GPR158: variants seen among roughly 807,000 people sequenced by gnomAD.
GPR158 encodes the protein G protein-coupled receptor 158.
In GPR158, 30 loss-of-function variants were observed where a neutral mutation model predicts 78.2. The ratio of observed to expected loss-of-function variants is 0.38; its 90% CI spans 0.29 to 0.52. The LOEUF is 0.52. GPR158 is among the 20% of genes least tolerant of loss of function. The pLI is 0.83. For missense variants in GPR158, 1,463 were observed against 1,523.5 expected (o/e 0.96, Z 0.66); for synonymous variants, 581 against 591.1 (o/e 0.98, Z 0.25).
intron 5 of GPR158, among the ~76,000 whole-genome samples, chr10:25,469,838 C>A (rs375486876): frequency 1.3e-5 from 2 of 151,334 alleles, no homozygotes; most frequent in African/African-American, 2.4e-5. Flanking sequence ...TGAGCCCCCC[C>A]CAACATTCAC....
At chr10:25,408,079 T>A (rs1333566718) in intron 3 of GPR158, among the ~76,000 whole-genome samples, 1 of 152,180 alleles carries the variant, frequency 6.6e-6, no homozygotes, top group Admixed American at 6.5e-5. Context: ...AAGTTTCAAG[T>A]TTCATTTGTA....
chr10:25,460,567 T>C (rs1056091301), intron 4 of GPR158, among the ~76,000 whole-genome samples: 3 of 152,204 alleles, frequency 2.0e-5, no homozygotes, highest in African/African-American at 7.2e-5. Context: ...GTATATTACA[T>C]AGTAATAAAT....
rs182925758 is a variant in GPR158 at position 25,560,956 on chromosome 10, G to A, written c.1514+9871G>A. Among the ~76,000 whole-genome samples the A allele has an allele frequency of 3.9e-3, 591 of 152,144 alleles. 3 individuals carry two copies. The highest frequency in any genetic ancestry group is 0.013 in the African/African-American group (535 of 41,510). On this transcript the variant is annotated intron_variant, in intron 6 of 10. Transcript: ENST00000376351. ...GATATCTCTAGGAAATACTTAATGTGTGTTTTTTTTTAAGAGAAAAGGCTT... is the reference window on the plus strand; with the variant it reads ...GATATCTCTAGGAAATACTTAATGTATGTTTTTTTTTAAGAGAAAAGGCTT...
intron 5 of GPR158, among the ~76,000 whole-genome samples, chr10:25,515,284 G>A (rs565727871): frequency 6.6e-6 from 1 of 151,830 alleles, no homozygotes; most frequent in East Asian, 1.9e-4. Flanking sequence ...TGATTCTATA[G>A]CTGAGACTTT....
intron 2 of GPR158, among the ~76,000 whole-genome samples, chr10:25,295,890 C>CA (rs745670565): frequency 1.3e-5 from 2 of 152,180 alleles, no homozygotes; most frequent in African/African-American, 2.4e-5. Flanking sequence ...TGTCAAATAT[C>CA]AATTCTTCAA....
At position 25,245,316 on chromosome 10, in the gene GPR158, T is replaced by C. The variant is rs75344406; in HGVS notation, c.1008+24159T>C. Among the ~76,000 whole-genome samples the C allele has an allele frequency of 6.9e-3, 1,055 of 152,352 alleles. 9 individuals carry two copies. Among genetic ancestry groups the C allele is most frequent in the African/African-American group, 0.024 (1,010 of 41,592 alleles). ...AAGGGTGAGCCTGGCCCAGGCCATG[T>C]CTTCTGTCAGTAAATCCTATGGTGA... On this transcript the variant is annotated intron_variant, in intron 2 of 10. Transcript: ENST00000376351.
At chr10:25,533,134 T>C (rs1836448286) in intron 5 of GPR158, among the ~76,000 whole-genome samples, 1 of 152,222 alleles carries the variant, frequency 6.6e-6, no homozygotes, top group Admixed American at 6.5e-5. Context: ...CTATTTCTTA[T>C]GGATGTTTAT....
chr10:25,175,331 G>C lies in GPR158; in HGVS notation c.-90G>C. ...ATCTGGAGAAGGGGGAAGACTCCTC[G>C]AAAAAGTCTGACTGTTGAGAAACTG... On this transcript the variant is annotated 5_prime_UTR_variant, in exon 1 of 11. Coordinates refer to ENST00000376351, the MANE Select transcript of GPR158 (RefSeq NM_020752.3). The surrounding 1 kb of genome is among the most constrained non-coding windows in gnomAD (Gnocchi z 6.4). 1.3e-6 allele frequency: 1 copy of C among 784,798 alleles called. No homozygotes were observed. Among genetic ancestry groups the C allele is most frequent in the South Asian group, 1.8e-5 (1 of 55,994 alleles). The allele number at this position is 784,798 out of a possible 1,614,324, so 48.6% of individuals were successfully genotyped here. A position where few individuals can be genotyped will look rare whatever the true frequency, so the allele number is the denominator to read the frequency against.
At chr10:25,208,509 T>C (rs933916687) in intron 1 of GPR158, among the ~76,000 whole-genome samples, 2 of 151,856 alleles carry the variant, frequency 1.3e-5, no homozygotes, top group Non-Finnish European at 2.9e-5. Context: ...AACCATCTCA[T>C]CACCAGAACC....
chr10:25,434,095 G>A (rs996133223), intron 4 of GPR158, among the ~76,000 whole-genome samples: 4 of 152,082 alleles, frequency 2.6e-5, no homozygotes, highest in African/African-American at 9.7e-5. Flanking sequence ...CCTGGAGGTG[G>A]AGCTTGCAGT....
intron 2 of GPR158, among the ~76,000 whole-genome samples, chr10:25,251,919 G>T (rs985272010): frequency 6.6e-6 from 1 of 152,020 alleles, no homozygotes; most frequent in African/African-American, 2.4e-5. Flanking sequence ...TTTCCAACTT[G>T]GTTCCATTCT....
At chr10:25,388,160 A>C (rs533284915) in intron 2 of GPR158, among the ~76,000 whole-genome samples, 12 of 152,190 alleles carry the variant, frequency 7.9e-5, no homozygotes, top group South Asian at 4.1e-4. Context: ...AAGGTTCATC[A>C]AAGTAGGCTT....
At chr10:25,308,242 C>T (rs1279918365) in intron 2 of GPR158, among the ~76,000 whole-genome samples, 1 of 151,992 alleles carries the variant, frequency 6.6e-6, no homozygotes, top group Non-Finnish European at 1.5e-5. Context: ...ACCTATCAAC[C>T]CATCACCTAT....
At chr10:25,450,357 T>A (rs1211190523) in intron 4 of GPR158, among the ~76,000 whole-genome samples, 12 of 143,514 alleles carry the variant, frequency 8.4e-5, no homozygotes, top group African/African-American at 3.1e-4. Context: ...CAGGGATTCA[T>A]GCCTTCTTTT....
intron 2 of GPR158, among the ~76,000 whole-genome samples, chr10:25,299,222 T>C (rs1854557345): frequency 6.6e-6 from 1 of 152,018 alleles, no homozygotes; most frequent in South Asian, 2.1e-4. Context: ...CATCTCACAC[T>C]TAAGTGGGTG....
At chr10:25,479,171 C>T (rs190156533) in intron 5 of GPR158, among the ~76,000 whole-genome samples, 18 of 151,880 alleles carry the variant, frequency 1.2e-4, no homozygotes, top group Admixed American at 3.3e-4. Flanking sequence ...ATGTATTTTA[C>T]GATAAGCATT....
At chr10:25,306,876 CAGTT>C (rs1239195350) in intron 2 of GPR158, among the ~76,000 whole-genome samples, 2 of 152,116 alleles carry the variant, frequency 1.3e-5, no homozygotes, top group African/African-American at 2.4e-5. Flanking sequence ...ACACTCTTCA[CAGTT>C]AGTGCTCCAA....
chr10:25,312,512 T>C (rs977908688), intron 2 of GPR158, among the ~76,000 whole-genome samples: 2 of 152,118 alleles, frequency 1.3e-5, no homozygotes, highest in African/African-American at 4.8e-5. Flanking sequence ...TTCTAGAAAA[T>C]GTCTGCCAGA....
intron 1 of GPR158, among the ~76,000 whole-genome samples, chr10:25,201,693 T>G (rs923603254): frequency 2.6e-5 from 4 of 152,188 alleles, no homozygotes; most frequent in African/African-American, 9.7e-5. Flanking sequence ...AACAAAGGAA[T>G]GTTGAATTTT....
Sources: allele counts gnomAD v4.1 joint callset (sites outside exome capture counted in the v4.1 genomes callset), GRCh38; gene constraint gnomAD v4.1.1; non-coding constraint Gnocchi (gnomAD v3.1); transcripts MANE v1.5; gene names NCBI Gene and HGNC (gene_info 2026-07-23, HGNC 2026-07-21).